The following MYH13 variants were observed in gnomAD, a reference collection of about 807,000 sequenced individuals.
MYH13 encodes myosin heavy chain 13.
Under a neutral mutation model 232.1 loss-of-function variants are expected in MYH13, and 177 were observed. That is an observed-to-expected ratio of 0.76 (90% CI 0.67 to 0.86). MYH13 has a LOEUF of 0.86. Ranked by LOEUF, MYH13 falls within the 40% of genes least tolerant of loss-of-function variation. The probability of loss-of-function intolerance (pLI) is 0.00; values close to 1 mark genes in which losing one functional copy is unlikely to be tolerated. For missense variants in MYH13, 2,246 were observed against 2,405.9 expected (o/e 0.93, Z 1.39); for synonymous variants, 884 against 923.5 (o/e 0.96, Z 0.78).
At chr17:10,341,188 G>A (rs1239814265) in intron 16 of MYH13, 1 of 151,840 alleles carries the variant, frequency 6.6e-6, no homozygotes, top group African/African-American at 2.4e-5. Flanking sequence ...GACTACAGGC[G>A]AGCGTCACCA....
chr17:10,307,976 T>C (rs765241686), intron 35 of MYH13, among the ~76,000 whole-genome samples: 2 of 152,164 alleles, frequency 1.3e-5, no homozygotes, highest in Non-Finnish European at 2.9e-5. Flanking sequence ...AGGGCCATAA[T>C]ATACAAGTAG....
At chr17:10,363,280 C>G (rs1272464357) in intron 3 of MYH13, among the ~76,000 whole-genome samples, 1 of 130,852 alleles carries the variant, frequency 7.6e-6, no homozygotes, top group African/African-American at 3.0e-5. Flanking sequence ...CACGCCACTG[C>G]ACTCCAGCCT....
intron 11 of MYH13, among the ~76,000 whole-genome samples, chr17:10,352,642 C>T (rs1052135747): frequency 6.6e-6 from 1 of 152,010 alleles, no homozygotes; most frequent in East Asian, 1.9e-4. Flanking sequence ...GAAGGAGCAA[C>T]AGCCGCATCT....
At chr17:10,351,381 T>A (rs2142265342) in intron 11 of MYH13, among the ~76,000 whole-genome samples, 1 of 152,224 alleles carries the variant, frequency 6.6e-6, no homozygotes, top group South Asian at 2.1e-4. Context: ...GCTTAAGAGT[T>A]TGGCATTGTA....
At chr17:10,310,148 T>G (rs1436142139) in intron 33 of MYH13, among the ~76,000 whole-genome samples, 1 of 150,186 alleles carries the variant, frequency 6.7e-6, no homozygotes, top group East Asian at 2.0e-4. Flanking sequence ...TGGAGTGCAG[T>G]GGCACAATCT....
At chr17:10,318,082 A>G (rs1173983569) in intron 27 of MYH13, among the ~76,000 whole-genome samples, 2 of 152,170 alleles carry the variant, frequency 1.3e-5, no homozygotes, top group African/African-American at 4.8e-5. Flanking sequence ...ACTCTACCAA[A>G]AATACAAAAA....
At chr17:10,333,005 G>T in intron 19 of MYH13, 69 bp downstream of exon 19, 1 of 1,271,856 alleles carries the variant, frequency 7.9e-7, no homozygotes, top group Non-Finnish European at 1.1e-6. Flanking sequence ...CCCAGGTCAA[G>T]AAATGTCTTA....
In MYH13 at chr17:10,328,136, G is replaced by A. The variant is rs1253271703; in HGVS notation, c.2436-15C>T. ...AGATGGAGTCCCTGTACACCCATTAGGACTCAAATTAATAAATCCAGCAAG... is the reference window on the plus strand; with the variant it reads ...AGATGGAGTCCCTGTACACCCATTAAGACTCAAATTAATAAATCCAGCAAG... On this transcript the variant is annotated splice_polypyrimidine_tract_variant and intron_variant, in intron 21 of 40. Coordinates refer to ENST00000252172, the MANE Select transcript of MYH13 (RefSeq NM_003802.3). 1 of 1,609,506 alleles carries A rather than the reference G, an allele frequency of 6.2e-7. No individual in the cohort carries two copies. The highest frequency in any genetic ancestry group is 8.5e-7 in the Non-Finnish European group (1 of 1,178,790).
chr17:10,369,684 C>G (rs2071864292), intron 2 of MYH13, among the ~76,000 whole-genome samples: 1 of 147,546 alleles, frequency 6.8e-6, no homozygotes, highest in Admixed American at 6.7e-5. Flanking sequence ...TGACAGTTTT[C>G]AAGTAGAGAT....
chr17:10,323,155 G>A (rs181690212), intron 23 of MYH13, among the ~76,000 whole-genome samples: 2 of 152,280 alleles, frequency 1.3e-5, no homozygotes, highest in African/African-American at 2.4e-5. Context: ...TTATGGACAG[G>A]TGGAAGAATT....
chr17:10,357,876 A>G (rs1357303146), intron 7 of MYH13, 49 bp from the exon 8 acceptor site: 1 of 1,542,446 alleles, frequency 6.5e-7, no homozygotes, highest in Non-Finnish European at 8.9e-7. Context: ...TGGTTTTCTA[A>G]AGTAGCCCCT....
chr17:10,344,556 G>A (rs1270400116), intron 15 of MYH13, among the ~76,000 whole-genome samples: 4 of 151,976 alleles, frequency 2.6e-5, no homozygotes, highest in East Asian at 3.9e-4. Context: ...GGTGGTTCAC[G>A]TCTGTAATCC....
intron 11 of MYH13, among the ~76,000 whole-genome samples, chr17:10,352,717 C>G (rs1348647299): frequency 6.6e-6 from 1 of 152,144 alleles, no homozygotes; most frequent in Non-Finnish European, 1.5e-5. Context: ...CTTAGGTGGG[C>G]CTTTCTCAGT....
intron 12 of MYH13, among the ~76,000 whole-genome samples, chr17:10,348,357 C>T (rs372825625): frequency 6.9e-4 from 105 of 152,334 alleles, no homozygotes; most frequent in African/African-American, 2.4e-3. Context: ...GCTCTAGAGT[C>T]GGACTGCTCT....
At chr17:10,355,494 C>T (rs144492540) in intron 8 of MYH13, among the ~76,000 whole-genome samples, 17 of 152,320 alleles carry the variant, frequency 1.1e-4, no homozygotes, top group African/African-American at 4.1e-4. Flanking sequence ...AAATGGCATG[C>T]TTACATCTGT....
At position 10,326,981 on chromosome 17, in the gene MYH13, G is replaced by GTTTTTTTTTTTTTTTTTTTTTTTTTT. The variant is rs61543278; in HGVS notation, c.2691+859_2691+884dup. ...GAGACATGCACCACCATGCCTACTA[G>GTTTTTTTTTTTTTTTTTTTTTTTTTT]TTTTTTTTTTTTTTTTTTTTTTTTT... On this transcript the variant is annotated intron_variant, in intron 22 of 40. Transcript: ENST00000252172. Among the ~76,000 whole-genome samples, 7 of 55,832 alleles carry GTTTTTTTTTTTTTTTTTTTTTTTTTT rather than the reference G, an allele frequency of 1.3e-4. 3 individuals carry two copies. Among genetic ancestry groups the GTTTTTTTTTTTTTTTTTTTTTTTTTT allele is most frequent in the African/African-American group, 3.1e-4 (4 of 12,840 alleles). 36.6% of individuals were successfully genotyped at this position (55,832 alleles called of 152,430 possible). A position where few individuals can be genotyped will look rare whatever the true frequency, so the allele number is the denominator to read the frequency against.
Position 10,345,326 on chromosome 17 carries a change from A to C in MYH13, c.1460T>G (p.Leu487Arg). The C allele has an allele frequency of 6.2e-7, 1 of 1,614,208 alleles. No individual in the cohort carries two copies. The highest frequency in any genetic ancestry group is 8.5e-7 in the Non-Finnish European group (1 of 1,180,048). The change falls in exon 15 of 41, where the codon CTG (leucine) becomes CGG (arginine). Residue 487 changes from leucine (L) to arginine (R), a missense_variant. Transcript: ENST00000252172. ...CATGTGGTGGTTGAAAAACTGTTGC[A>C]GTTTCTCATTGGTGAAGTTGATGCA... ...QLCINFTNEK[L>R]QQFFNHHMFV...
In MYH13 at chr17:10,322,855, G is replaced by A. The variant is rs112333206; in HGVS notation, c.2935-1147C>T. Among the ~76,000 whole-genome samples, 58 of 152,124 alleles carry A rather than the reference G, an allele frequency of 3.8e-4. 1 individual carries two copies. The highest frequency in any genetic ancestry group is 5.9e-4 in the Admixed American group (9 of 15,286). Reference sequence around the variant, plus strand: ...TCACCATGTTAGCCAGGATGGTCTCGATCTCCTGACCTCGTGGTCTGCCCA... The same window carrying A: ...TCACCATGTTAGCCAGGATGGTCTCAATCTCCTGACCTCGTGGTCTGCCCA... On this transcript the variant is annotated intron_variant, in intron 23 of 40. Transcript: ENST00000252172.
chr17:10,314,039 T>C lies in MYH13; in HGVS notation c.3985-685A>G, dbSNP rs928032892. On this transcript the variant is annotated intron_variant, in intron 29 of 40. Coordinates refer to ENST00000252172, the MANE Select transcript of MYH13 (RefSeq NM_003802.3). ...AAGGGCAACAGTTTAGCTCCGACTA[T>C]AATGGCCACAAGACGCCCTCTGGTG... Among the ~76,000 whole-genome samples, 5 of 152,346 alleles carry C rather than the reference T, an allele frequency of 3.3e-5. No homozygotes were observed. In the South Asian group the frequency reaches 1.0e-3, roughly 32 times the overall value.
Sources: gnomAD v4.1 joint callset for allele counts (sites outside exome capture counted in the v4.1 genomes callset) on GRCh38, gnomAD v4.1.1 for gene constraint, MANE v1.5 for transcripts, NCBI Gene and HGNC (gene_info 2026-07-23, HGNC 2026-07-21) for gene names.